The following DCAF6 variants were observed in gnomAD, a reference collection of about 807,000 sequenced individuals.
The protein encoded by DCAF6 is DDB1- and CUL4-associated factor 6.
Under a neutral mutation model 125.1 loss-of-function variants are expected in DCAF6, and 54 were observed. That is an observed-to-expected ratio of 0.43 (90% confidence interval 0.35 to 0.54). The LOEUF (loss-of-function observed/expected upper bound fraction) is 0.54, where lower values mean the gene tolerates loss of function less well. DCAF6 is among the 20% of genes least tolerant of loss of function. The pLI is 0.01. For missense variants in DCAF6, 934 were observed against 1,161.7 expected (o/e 0.80, Z 2.85); for synonymous variants, 371 against 390.4 (o/e 0.95, Z 0.58).
intron 3 of DCAF6, among the ~76,000 whole-genome samples, chr1:167,973,085 A>G (rs1366175794): frequency 6.6e-6 from 1 of 152,212 alleles, no homozygotes; most frequent in Non-Finnish European, 1.5e-5. Flanking sequence ...GTAGTTAGCT[A>G]CTTGGTAAAC....
chr1:167,989,924 A>G (rs998149973), intron 5 of DCAF6, among the ~76,000 whole-genome samples: 4 of 152,122 alleles, frequency 2.6e-5, no homozygotes, highest in Non-Finnish European at 5.9e-5. Flanking sequence ...GCAGTATGGA[A>G]TCAACAGAGT....
At chr1:167,895,948 G>C in the DCAF6 span, among the ~76,000 whole-genome samples, 1 of 152,130 alleles carries the variant, frequency 6.6e-6, no homozygotes, top group East Asian at 1.9e-4. Flanking sequence ...AGACGTAAAG[G>C]CAAAACTAGA....
chr1:168,035,242 T>TA (rs1336858665), intron 12 of DCAF6, among the ~76,000 whole-genome samples: 1 of 152,130 alleles, frequency 6.6e-6, no homozygotes, highest in East Asian at 1.9e-4. Flanking sequence ...GCCCAGGAGT[T>TA]AAAGACCAGC....
chr1:167,961,993 T>G (rs1675675742), intron 2 of DCAF6, among the ~76,000 whole-genome samples: 1 of 152,210 alleles, frequency 6.6e-6, no homozygotes. Flanking sequence ...GTGTGTATTT[T>G]GGGATTTTCC....
At chr1:167,974,009 A>T (rs1186161973) in intron 3 of DCAF6, among the ~76,000 whole-genome samples, 1 of 152,148 alleles carries the variant, frequency 6.6e-6, no homozygotes, top group African/African-American at 2.4e-5. Flanking sequence ...ACAGTGTTTA[A>T]GAGTCTGTTT....
intron 1 of DCAF6, 71 bp from the exon 2 acceptor site, chr1:167,951,729 T>A: frequency 1.0e-6 from 1 of 971,544 alleles, no homozygotes; most frequent in East Asian, 2.4e-5. Flanking sequence ...GATCCTAGGC[T>A]CCTAATTTCT....
chr1:167,936,084 C>G, upstream of DCAF6: 1 of 571,808 alleles, frequency 1.7e-6, no homozygotes, highest in East Asian at 3.0e-5. Context: ...CGGCCCCCGG[C>G]AGGAGAGAGG....
the DCAF6 span, chr1:167,901,570 G>T: frequency 7.5e-7 from 1 of 1,325,674 alleles, no homozygotes; most frequent in Non-Finnish European, 1.1e-6. Flanking sequence ...GAGCCACCAT[G>T]TTCTACTACT....
chr1:167,937,163 C>T, intron 1 of DCAF6, 155 bp downstream of exon 1: 1 of 644,190 alleles, frequency 1.6e-6, no homozygotes, highest in Non-Finnish European at 2.8e-6. Flanking sequence ...GAATTCCGTG[C>T]CGGTGCCTCC....
chr1:167,943,628 G>A (rs1198070766), intron 1 of DCAF6, among the ~76,000 whole-genome samples: 1 of 152,054 alleles, frequency 6.6e-6, no homozygotes, highest in East Asian at 1.9e-4. Flanking sequence ...CCTGAATAAC[G>A]TTCTTTGTCC....
chr1:167,937,602 C>A (rs575878146), intron 1 of DCAF6, among the ~76,000 whole-genome samples: 2 of 152,154 alleles, frequency 1.3e-5, no homozygotes, highest in African/African-American at 4.8e-5. Flanking sequence ...TCGTTTTGAC[C>A]GCTTAAAGGT....
the DCAF6 span, among the ~76,000 whole-genome samples, chr1:167,905,650 G>A: frequency 6.6e-6 from 1 of 151,536 alleles, no homozygotes; most frequent in African/African-American, 2.4e-5. Flanking sequence ...GTATTTATAT[G>A]TAAGTGAGTA....
chr1:167,890,936 T>C, the DCAF6 span, among the ~76,000 whole-genome samples: 1 of 152,170 alleles, frequency 6.6e-6, no homozygotes, highest in Non-Finnish European at 1.5e-5. Context: ...TCCAGACTCC[T>C]CATCCAACAT....
At chr1:167,953,027 C>T (rs1467081395) in intron 2 of DCAF6, among the ~76,000 whole-genome samples, 1 of 152,050 alleles carries the variant, frequency 6.6e-6, no homozygotes, top group Non-Finnish European at 1.5e-5. Flanking sequence ...ATTATTTTAC[C>T]TTCATATGTA....
chr1:167,901,323 A>G, the DCAF6 span, among the ~76,000 whole-genome samples: 1 of 152,090 alleles, frequency 6.6e-6, no homozygotes, highest in African/African-American at 2.4e-5. Context: ...ATTTTGTTTT[A>G]TACTGCACAA....
At chr1:168,019,814 C>G (rs1685458641) in intron 11 of DCAF6, 1 of 180,590 alleles carries the variant, frequency 5.5e-6, no homozygotes, top group South Asian at 1.0e-4. Flanking sequence ...TCAGCACTTA[C>G]CCGATCCTGT....
intron 2 of DCAF6, among the ~76,000 whole-genome samples, chr1:167,958,940 TTA>T (rs1312914980): frequency 3.3e-5 from 5 of 152,244 alleles, no homozygotes; most frequent in African/African-American, 1.2e-4. Context: ...TTCAGGCATC[TTA>T]TGAGTTTGGA....
the DCAF6 span, chr1:167,913,848 A>G: frequency 6.6e-6 from 1 of 152,230 alleles, no homozygotes; most frequent in African/African-American, 2.4e-5. Context: ...AGGTATACAC[A>G]AACTTGAACC....
chr1:168,070,798 A>G (rs1196257156), intron 21 of DCAF6, among the ~76,000 whole-genome samples: 1 of 152,224 alleles, frequency 6.6e-6, no homozygotes, highest in African/African-American at 2.4e-5. Flanking sequence ...GGATCATTCT[A>G]GACTCCTCTA....
Sources: gnomAD v4.1 joint callset for allele counts (sites outside exome capture counted in the v4.1 genomes callset) on GRCh38, gnomAD v4.1.1 for gene constraint, MANE v1.5 for transcripts, NCBI Gene and HGNC (gene_info 2026-07-23, HGNC 2026-07-21) for gene names.